Variants in PDE4D observed in about 807,000 individuals in gnomAD.
PDE4D encodes the protein 3',5'-cyclic-AMP phosphodiesterase 4D.
A neutral mutation model predicts 87.4 loss-of-function variants in PDE4D; 24 were observed. The ratio of observed to expected loss-of-function variants is 0.27; its 90% CI spans 0.20 to 0.39. The LOEUF is 0.39. Ranked by LOEUF, PDE4D falls within the 10% of genes least tolerant of loss-of-function variation. The pLI is 1.00. For missense variants in PDE4D, 714 were observed against 1,041.0 expected, an observed-to-expected ratio of 0.69 and a Z score of 4.32; for synonymous variants, 384 against 383.2, an observed-to-expected ratio of 1.00 and a Z score of -0.02.
intron 11 of PDE4D, among the ~76,000 whole-genome samples, chr5:58,983,988 C>T (rs1383355387): frequency 6.6e-6 from 1 of 152,194 alleles, no homozygotes; most frequent in Non-Finnish European, 1.5e-5. Flanking sequence ...GGAGCTGAAA[C>T]AGTTAAGACT....
At chr5:59,491,662 C>T (rs947161281) in intron 1 of PDE4D, among the ~76,000 whole-genome samples, 6 of 152,166 alleles carry the variant, frequency 3.9e-5, no homozygotes, top group Non-Finnish European at 7.4e-5. Context: ...CTTTCAATGT[C>T]ACTATTTAAC....
intron 2 of PDE4D, among the ~76,000 whole-genome samples, chr5:60,074,131 A>G (rs1316686715): frequency 6.6e-6 from 1 of 152,016 alleles, no homozygotes. Context: ...TGTTTATTTT[A>G]AATCTTTCTA....
At chr5:59,472,314 G>A (rs16889878) in intron 1 of PDE4D, among the ~76,000 whole-genome samples, 23,129 of 151,946 alleles carry the variant, frequency 0.15, 2,607 homozygotes, top group African/African-American at 0.32. Flanking sequence ...CTCTTTATAC[G>A]CAAAGACTGA....
At chr5:59,594,345 A>G (rs1826356232) in intron 1 of PDE4D, among the ~76,000 whole-genome samples, 1 of 143,814 alleles carries the variant, frequency 7.0e-6, no homozygotes, top group Non-Finnish European at 1.5e-5. Context: ...TATTTGGCAG[A>G]GTTTCGTTCT....
chr5:59,911,568 T>C (rs1348822744), intron 3 of PDE4D, among the ~76,000 whole-genome samples: 1 of 152,236 alleles, frequency 6.6e-6, no homozygotes, highest in African/African-American at 2.4e-5. Context: ...CTGCGTGAAT[T>C]AAACTTTTTC....
rs28681509 is a variant in PDE4D, at chr5:59,931,922, T to C, written c.272+56566A>G. ...TTCACCGTGTTAGCCAGGATGGTCT[T>C]GATCTCCTGACCTCGTAATCTGCCC... On this transcript the variant is annotated intron_variant, in intron 3 of 16. Coordinates refer to the PDE4D transcript ENST00000502484. Among the ~76,000 whole-genome samples the C allele has an allele frequency of 9.5e-3, 1,439 of 152,136 alleles. 29 individuals carry two copies. The highest frequency in any genetic ancestry group is 0.03 in the African/African-American group (1,226 of 41,514).
At position 60,031,022 on chromosome 5, in the gene PDE4D, T is replaced by C. The variant is rs368141422; in HGVS notation, c.43-42305A>G. ...TATTTTAATTCAATGTTCCCATAAT[T>C]TATGCTTTTGTTGAAAATAGATATA... On this transcript the variant is annotated intron_variant, in intron 2 of 16. Transcript: ENST00000502484. 21 of 152,348 alleles carry C rather than the reference T, an allele frequency of 1.4e-4. No homozygotes were observed. In the South Asian group the frequency reaches 4.3e-3, roughly 32 times the overall value. The allele number at this position is 152,348 out of a possible 1,614,324, so 9.4% of individuals were successfully genotyped here.
chr5:60,401,534 C>A (rs542843716), intron 1 of PDE4D, among the ~76,000 whole-genome samples: 1 of 152,126 alleles, frequency 6.6e-6, no homozygotes, highest in Admixed American at 6.5e-5. Context: ...GGCAAGCCCA[C>A]GGGGCAGGGG....
At chr5:59,855,968 A>G (rs1195463677) in intron 1 of PDE4D, among the ~76,000 whole-genome samples, 5 of 152,142 alleles carry the variant, frequency 3.3e-5, no homozygotes, top group African/African-American at 9.6e-5. Flanking sequence ...TATGACAACT[A>G]TAAGACATAT....
At chr5:59,206,696 A>G (rs1345537683) in intron 2 of PDE4D, among the ~76,000 whole-genome samples, 1 of 152,220 alleles carries the variant, frequency 6.6e-6, no homozygotes, top group African/African-American at 2.4e-5. Flanking sequence ...GGTGTCTTCA[A>G]ATGATACCCT....
chr5:59,542,271 CA>C (rs1158120931), intron 1 of PDE4D, among the ~76,000 whole-genome samples: 27 of 151,906 alleles, frequency 1.8e-4, no homozygotes, highest in Non-Finnish European at 4.0e-4. Flanking sequence ...ATGATTTTAC[CA>C]TCTTAAGTTC....
At chr5:59,409,400 C>T (rs181008786) in intron 1 of PDE4D, among the ~76,000 whole-genome samples, 17 of 152,146 alleles carry the variant, frequency 1.1e-4, no homozygotes, top group East Asian at 3.9e-4. Flanking sequence ...GGGCCAAGGG[C>T]GGAATGATAC....
intron 1 of PDE4D, among the ~76,000 whole-genome samples, chr5:59,675,089 C>T (rs1171458674): frequency 6.6e-6 from 1 of 152,166 alleles, no homozygotes; most frequent in African/African-American, 2.4e-5. Flanking sequence ...ATAACCCATT[C>T]CTCAAGTAAA....
intron 1 of PDE4D, among the ~76,000 whole-genome samples, chr5:60,283,568 T>C (rs1345314024): frequency 1.3e-5 from 2 of 152,188 alleles, no homozygotes; most frequent in African/African-American, 4.8e-5. Flanking sequence ...CCAAATATGT[T>C]AGCAAATTCA....
intron 1 of PDE4D, among the ~76,000 whole-genome samples, chr5:59,574,453 T>C (rs1583186185): frequency 6.6e-6 from 1 of 151,938 alleles, no homozygotes; most frequent in Admixed American, 6.6e-5. Flanking sequence ...ATCTGGGTGA[T>C]TGGAACTGTT....
At chr5:58,982,089 C>T (rs1247741995) in intron 11 of PDE4D, among the ~76,000 whole-genome samples, 1 of 152,142 alleles carries the variant, frequency 6.6e-6, no homozygotes, top group Non-Finnish European at 1.5e-5. Flanking sequence ...AAACTAAGAC[C>T]TCTAGCTAGC....
chr5:60,081,491 G>A (rs536701377), intron 2 of PDE4D, among the ~76,000 whole-genome samples: 104 of 151,964 alleles, frequency 6.8e-4, no homozygotes, highest in African/African-American at 2.3e-3. Flanking sequence ...TTAGGGTGTC[G>A]ATTTGAGATA....
rs1413105056 is a variant in PDE4D at position 58,975,954 on chromosome 5, G to A, written c.1831-115C>T. ...TGCAACACTTAAAAATACACGTAGT[G>A]TAAGATTTATTCCAAACAGCTCAAC... On this transcript the variant is annotated intron_variant, in intron 13 of 14. Transcript: ENST00000340635. The surrounding 1 kb of genome is among the most constrained non-coding windows in gnomAD (Gnocchi z 4.2). The A allele has an allele frequency of 1.3e-6, 1 of 768,858 alleles. No homozygotes were observed. Among genetic ancestry groups the A allele is most frequent in the Non-Finnish European group, 1.9e-6 (1 of 515,928 alleles). The allele number at this position is 768,858 out of a possible 1,614,324, so 47.6% of individuals were successfully genotyped here.
rs187237185 is a variant in PDE4D at position 59,778,992 on chromosome 5, C to T, written c.455+114176G>A. On this transcript the variant is annotated intron_variant, in intron 1 of 14. Transcript: ENST00000340635. The stretch of plus-strand genomic sequence containing the variant: ...CCAAACTGGCCAACACAATGAAAAC[C>T]GTTTCTATTAAAATACAAAAATTAG... Among the ~76,000 whole-genome samples the T allele has an allele frequency of 1.3e-3, 204 of 152,088 alleles. 1 individual carries two copies. The highest frequency in any genetic ancestry group is 4.7e-3 in the African/African-American group (197 of 41,500).
Sources: allele counts gnomAD v4.1 joint callset (sites outside exome capture counted in the v4.1 genomes callset), GRCh38; gene constraint gnomAD v4.1.1; non-coding constraint Gnocchi (gnomAD v3.1); transcripts MANE v1.5; gene names NCBI Gene and HGNC (gene_info 2026-07-23, HGNC 2026-07-21).